The following RIC1 variants were observed in gnomAD, a reference collection of about 807,000 sequenced individuals.
RIC1 encodes RIC1 partner of RAB6A GEF complex.
A neutral mutation model predicts 169.0 loss-of-function variants in RIC1; 88 were observed. That is an observed-to-expected ratio of 0.52 (90% CI 0.44 to 0.62). RIC1 has a LOEUF of 0.62. RIC1 is among the 20% of genes least tolerant of loss of function. The pLI is 0.00. For missense variants in RIC1, 1,877 were observed against 1,725.5 expected (o/e 1.09, Z -1.56); for synonymous variants, 790 against 601.5 (o/e 1.31, Z -4.59).
rs915745134 is a variant in RIC1, at chr9:5,774,518, G to A, written c.*272G>A. The stretch of plus-strand genomic sequence containing the variant: ...GAGAATATTTTGGTTTTACTCAAAG[G>A]TTGGTAGCTCTTAAACCACAGGAAT... On this transcript the variant is annotated 3_prime_UTR_variant, in exon 26 of 26. Transcript: ENST00000414202. 4 of 264,270 alleles carry A rather than the reference G, an allele frequency of 1.5e-5. No individual in the cohort carries two copies. The highest frequency in any genetic ancestry group is 8.8e-5 in the African/African-American group (4 of 45,596). The allele number at this position is 264,270 out of a possible 1,614,324, so 16.4% of individuals were successfully genotyped here.
In RIC1 at chr9:5,732,483, T is replaced by C. The variant is rs7850299; in HGVS notation, c.812+4T>C. 0.45 allele frequency: 707,640 copies of C among 1,588,990 alleles called. 166,264 individuals carry two copies. The highest frequency in any genetic ancestry group is 0.85 in the East Asian group (37,824 of 44,490). On this transcript the variant is annotated splice_donor_region_variant and intron_variant, in intron 7 of 25. Coordinates refer to ENST00000414202, the MANE Select transcript of RIC1 (RefSeq NM_020829.4). ...TAATGGCATTTGGCTGTGTGAGGTA[T>C]AATTGATGTAGGCTTTTGCATTTTT...
intron 1 of RIC1, among the ~76,000 whole-genome samples, chr9:5,637,741 C>T (rs1818042822): frequency 6.6e-6 from 1 of 152,218 alleles, no homozygotes; most frequent in South Asian, 2.1e-4. Context: ...GCTTATTGCA[C>T]TTAACATAAT....
chr9:5,664,389 G>A (rs892120558), intron 2 of RIC1, among the ~76,000 whole-genome samples: 4 of 151,820 alleles, frequency 2.6e-5, no homozygotes, highest in East Asian at 1.9e-4. Flanking sequence ...CTCCAGCCTG[G>A]CAACGGAGCG....
In RIC1 at chr9:5,769,243, A is replaced by G. The variant is rs766345043; in HGVS notation, c.3411A>G (p.Gly1137=). The part of the protein sequence containing the change: ...ASSISSPFKN[G]KYRTVGEQLL... ...CTATCAGTTCTCCTTTCAAAAATGG[A>G]AAATACCGAACTGGTAATGTAGACT... is the stretch of plus-strand genomic sequence containing the variant. Residue 1137 remains glycine (G), a synonymous_variant, in exon 22 of 26, where the codon GGA becomes GGG. Coordinates refer to ENST00000414202, the MANE Select transcript of RIC1 (RefSeq NM_020829.4). 132 of 1,614,024 alleles carry G rather than the reference A, an allele frequency of 8.2e-5. No individual in the cohort carries two copies. The highest frequency in any genetic ancestry group is 6.2e-4 in the Admixed American group (37 of 59,992).
At chr9:5,725,880 C>T (rs943354074) in intron 6 of RIC1, among the ~76,000 whole-genome samples, 1 of 152,154 alleles carries the variant, frequency 6.6e-6, no homozygotes, top group Non-Finnish European at 1.5e-5. Context: ...GAGTGAGTTT[C>T]TTAATCCTGA....
At chr9:5,655,381 A>G (rs192274615) in intron 1 of RIC1, among the ~76,000 whole-genome samples, 6 of 151,754 alleles carry the variant, frequency 4.0e-5, no homozygotes, top group Admixed American at 1.3e-4. Flanking sequence ...GCTCACTGCA[A>G]CCTCCACCTC....
rs572113789 is a variant in RIC1 at position 5,747,638 on chromosome 9, C to T, written c.1452+133C>T. ...TTAACCATTTTGTCATGTCCCTCTT[C>T]TGCTTTTCTGTGTTCTTGTCCTCTA... On this transcript the variant is annotated intron_variant, in intron 12 of 25. Transcript: ENST00000414202. The T allele has an allele frequency of 1.6e-5, 12 of 765,810 alleles. No homozygotes were observed. The East Asian group carries it at 2.6e-4, about 17-fold the overall frequency. The allele number at this position is 765,810 out of a possible 1,614,324, so 47.4% of individuals were successfully genotyped here.
intron 2 of RIC1, among the ~76,000 whole-genome samples, chr9:5,683,990 G>A (rs899201245): frequency 3.9e-5 from 6 of 152,276 alleles, no homozygotes; most frequent in African/African-American, 1.4e-4. Flanking sequence ...TAACCCTGTT[G>A]GAAGAGCACA....
chr9:5,717,249 C>T (rs144518066), intron 4 of RIC1, among the ~76,000 whole-genome samples: 233 of 152,074 alleles, frequency 1.5e-3, no homozygotes, highest in African/African-American at 5.5e-3. Flanking sequence ...TTTTGTCAGA[C>T]GATTGTTGAG....
chr9:5,634,894 A>T (rs1019063013), intron 1 of RIC1, among the ~76,000 whole-genome samples: 9 of 152,082 alleles, frequency 5.9e-5, no homozygotes, highest in Non-Finnish European at 1.5e-5. Context: ...TTTTGTGGGT[A>T]CATAGTAGAT....
Position 5,757,420 on chromosome 9 carries a change from A to T in RIC1, c.1961A>T (p.Glu654Val). Residue 654 changes from glutamate (E) to valine (V), a missense_variant, in exon 17 of 26, where the codon GAG becomes GTG. This residue lies in a region of RIC1 where 1,104 missense variants were observed against 992.0 expected (regional missense o/e 1.11). Coordinates refer to ENST00000414202, the MANE Select transcript of RIC1 (RefSeq NM_020829.4). ...VSVTLTSVST[E>V]NGITLKMPQQ... ...GTCACTCTGACATCAGTGAGTACAGAGAATGGAATCACCTTGAAAATGCCA... is the reference window on the plus strand; with the variant it reads ...GTCACTCTGACATCAGTGAGTACAGTGAATGGAATCACCTTGAAAATGCCA... 6.2e-7 allele frequency: 1 copy of T among 1,614,056 alleles called. No individual in the cohort carries two copies. Among genetic ancestry groups the T allele is most frequent in the Non-Finnish European group, 8.5e-7 (1 of 1,179,942 alleles).
chr9:5,723,135 G>A (rs1823717038), intron 6 of RIC1, among the ~76,000 whole-genome samples: 1 of 152,212 alleles, frequency 6.6e-6, no homozygotes, highest in Non-Finnish European at 1.5e-5. Context: ...TCGCCACACT[G>A]TCTTCCACAA....
At chr9:5,778,151 G>A (rs1827682070), downstream of RIC1, among the ~76,000 whole-genome samples, 1 of 152,108 alleles carries the variant, frequency 6.6e-6, no homozygotes, top group African/African-American at 2.4e-5. Context: ...TTTTTGCTAA[G>A]TCTCATACTT....
At chr9:5,759,458 A>G (rs1586703388) in intron 17 of RIC1, among the ~76,000 whole-genome samples, 1 of 152,188 alleles carries the variant, frequency 6.6e-6, no homozygotes, top group East Asian at 1.9e-4. Flanking sequence ...ATTAAATAAG[A>G]CTTTGAAGCC....
At chr9:5,673,039 CA>C (rs1377751446) in intron 2 of RIC1, among the ~76,000 whole-genome samples, 1 of 152,052 alleles carries the variant, frequency 6.6e-6, no homozygotes, top group Admixed American at 6.6e-5. Context: ...ATTGGAGCTA[CA>C]GTGAACAGGA....
intron 6 of RIC1, among the ~76,000 whole-genome samples, chr9:5,727,200 G>T (rs532779827): frequency 6.6e-6 from 1 of 152,186 alleles, no homozygotes; most frequent in African/African-American, 2.4e-5. Context: ...GCAGTCAGAC[G>T]TAGATTTCAT....
intron 6 of RIC1, among the ~76,000 whole-genome samples, chr9:5,729,355 GTAGGTTTTGAAC>G (rs1824213618): frequency 1.3e-5 from 2 of 152,128 alleles, no homozygotes; most frequent in African/African-American, 2.4e-5. Flanking sequence ...GCTTCTTTAA[GTAGGTTTTGAAC>G]CACTTCTACT....
intron 3 of RIC1, among the ~76,000 whole-genome samples, chr9:5,695,041 A>G (rs1405948114): frequency 2.6e-5 from 4 of 152,306 alleles, no homozygotes; most frequent in African/African-American, 9.6e-5. Flanking sequence ...ATTATGAGTT[A>G]GGTGATCCAC....
At chr9:5,727,566 G>A (rs1026293533) in intron 6 of RIC1, among the ~76,000 whole-genome samples, 13 of 152,108 alleles carry the variant, frequency 8.5e-5, no homozygotes, top group South Asian at 2.1e-4. Flanking sequence ...ATTCTCCATC[G>A]AGCTTTGTTC....
Sources: allele counts gnomAD v4.1 joint callset (sites outside exome capture counted in the v4.1 genomes callset), GRCh38; gene constraint gnomAD v4.1.1; regional missense constraint gnomAD v4.1.1; transcripts MANE v1.5; gene names NCBI Gene and HGNC (gene_info 2026-07-23, HGNC 2026-07-21).